Variants in SOX5 observed in about 807,000 individuals in gnomAD.
SOX5 encodes the protein SRY-box transcription factor 5.
A neutral mutation model predicts 92.0 loss-of-function variants in SOX5; 9 were observed. The observed-to-expected ratio is 0.10, with a 90% CI of 0.06 to 0.17. The LOEUF is 0.17. Among genes scored for constraint, SOX5 ranks in the 10% least tolerant of loss-of-function variants. SOX5 has a pLI of 1.00. For missense variants in SOX5, 642 were observed against 944.5 expected (o/e 0.68, Z 4.20); for synonymous variants, 344 against 336.3 (o/e 1.02, Z -0.25).
intron 1 of SOX5, among the ~76,000 whole-genome samples, chr12:24,382,002 G>C (rs1039146768): frequency 5.3e-5 from 8 of 152,186 alleles, no homozygotes; most frequent in Admixed American, 1.3e-4. Flanking sequence ...TATGCAACAA[G>C]TATTGTTCCA....
At chr12:24,397,737 T>C (rs1053116116) in intron 1 of SOX5, among the ~76,000 whole-genome samples, 2 of 151,778 alleles carry the variant, frequency 1.3e-5, no homozygotes, top group Admixed American at 6.6e-5. Context: ...AGAAAAAAAA[T>C]AGATTCATAT....
chr12:23,643,073 C>T lies in SOX5; in HGVS notation c.932-2176G>A, dbSNP rs1358542784. 2.5e-4 allele frequency among the ~76,000 whole-genome samples: 19 copies of T among 75,612 alleles called. 1 individual carries two copies. The highest frequency in any genetic ancestry group is 3.1e-4 in the African/African-American group (7 of 22,264). 49.6% of individuals were successfully genotyped at this position (75,612 alleles called of 152,430 possible). ...CTGCACTCCAGCCTGGGCGACAGAG[C>T]GAGACTCCGTCTCAAAAAAAAAAAA... is the stretch of plus-strand genomic sequence containing the variant. On this transcript the variant is annotated intron_variant, in intron 7 of 14. Transcript: ENST00000451604.
chr12:23,903,466 G>A (rs1285857974), intron 1 of SOX5, among the ~76,000 whole-genome samples: 2 of 152,126 alleles, frequency 1.3e-5, no homozygotes, highest in African/African-American at 2.4e-5. Context: ...CGCCTGTAGT[G>A]CGAGCAACTC....
intron 9 of SOX5, 110 bp downstream of exon 9, chr12:23,604,274 CCTT>C: frequency 9.0e-7 from 1 of 1,108,022 alleles, no homozygotes; most frequent in Admixed American, 2.0e-5. Context: ...ATTCTTACCT[CCTT>C]GTACACCCAG....
intron 4 of SOX5, among the ~76,000 whole-genome samples, chr12:23,966,166 C>T (rs1346352041): frequency 2.6e-5 from 3 of 117,178 alleles, no homozygotes; most frequent in African/African-American, 6.6e-5. Context: ...CCAGAATCCC[C>T]GCCTCCCCAG....
chr12:23,863,965 G>A (rs1595158690), intron 2 of SOX5, among the ~76,000 whole-genome samples: 2 of 150,726 alleles, frequency 1.3e-5, no homozygotes, highest in East Asian at 2.0e-4. Context: ...GCTTTACTGT[G>A]CTCCACAAAT....
intron 2 of SOX5, among the ~76,000 whole-genome samples, chr12:24,326,356 T>C (rs1240998511): frequency 1.3e-5 from 2 of 152,044 alleles, no homozygotes; most frequent in Non-Finnish European, 2.9e-5. Flanking sequence ...AGCAAATCCT[T>C]CCTAACTCCT....
At chr12:24,248,437 A>C (rs956301257) in intron 3 of SOX5, among the ~76,000 whole-genome samples, 1 of 152,178 alleles carries the variant, frequency 6.6e-6, no homozygotes, top group Non-Finnish European at 1.5e-5. Flanking sequence ...GACTAGCTCT[A>C]TTGCCCAAGG....
chr12:24,209,800 C>A (rs1001394115), intron 4 of SOX5, among the ~76,000 whole-genome samples: 16 of 151,622 alleles, frequency 1.1e-4, no homozygotes, highest in Non-Finnish European at 2.2e-4. Flanking sequence ...GGGCGGATCA[C>A]GAGGTCAGGA....
chr12:23,756,701 A>G (rs1324016881), intron 3 of SOX5, among the ~76,000 whole-genome samples: 1 of 151,954 alleles, frequency 6.6e-6, no homozygotes, highest in Non-Finnish European at 1.5e-5. Flanking sequence ...CTTATTATAT[A>G]GATCAAGGAC....
chr12:24,375,500 C>T (rs1489409176), intron 1 of SOX5, among the ~76,000 whole-genome samples: 3 of 151,270 alleles, frequency 2.0e-5, no homozygotes, highest in East Asian at 2.0e-4. Flanking sequence ...TTTGGGAGAC[C>T]GAGGCAGGTG....
intron 4 of SOX5, among the ~76,000 whole-genome samples, chr12:23,755,402 G>A (rs2094333700): frequency 6.6e-6 from 1 of 151,590 alleles, no homozygotes; most frequent in Non-Finnish European, 1.5e-5. Flanking sequence ...GCCTGTTAGA[G>A]GTATAGTGGG....
chr12:23,836,988 A>G (rs1401225807), intron 3 of SOX5, among the ~76,000 whole-genome samples: 1 of 151,108 alleles, frequency 6.6e-6, no homozygotes, highest in Non-Finnish European at 1.5e-5. Flanking sequence ...ACTCCTAAGT[A>G]TTTTATTCTT....
chr12:23,800,423 T>C (rs956195556), intron 3 of SOX5, among the ~76,000 whole-genome samples: 1 of 152,114 alleles, frequency 6.6e-6, no homozygotes, highest in Non-Finnish European at 1.5e-5. Flanking sequence ...CACTGTCAGA[T>C]AGATGAACCA....
intron 1 of SOX5, among the ~76,000 whole-genome samples, chr12:24,529,771 G>A (rs1455818955): frequency 6.6e-6 from 1 of 152,142 alleles, no homozygotes; most frequent in Non-Finnish European, 1.5e-5. Flanking sequence ...TGTAATCCCG[G>A]CACTTCAGGA....
intron 3 of SOX5, among the ~76,000 whole-genome samples, chr12:24,235,100 A>G (rs1199105541): frequency 4.6e-5 from 7 of 152,200 alleles, no homozygotes; most frequent in Non-Finnish European, 8.8e-5. Flanking sequence ...TCTCCTCTGT[A>G]CTGTCTCACA....
chr12:24,329,357 A>C (rs1291230727), intron 2 of SOX5, among the ~76,000 whole-genome samples: 2 of 152,160 alleles, frequency 1.3e-5, no homozygotes, highest in Non-Finnish European at 2.9e-5. Flanking sequence ...GCGGCAGGCG[A>C]GAGAGAAGAG....
intron 3 of SOX5, among the ~76,000 whole-genome samples, chr12:23,756,836 G>T (rs912548030): frequency 7.2e-5 from 11 of 151,864 alleles, no homozygotes; most frequent in African/African-American, 1.7e-4. Context: ...CTGGCCTAGA[G>T]ACCGTAATAT....
intron 6 of SOX5, among the ~76,000 whole-genome samples, chr12:23,691,329 G>A (rs941835227): frequency 3.3e-5 from 5 of 152,272 alleles, no homozygotes; most frequent in Non-Finnish European, 7.4e-5. Flanking sequence ...TTGATATGCA[G>A]AATATATGTA....
Sources: allele counts gnomAD v4.1 joint callset (sites outside exome capture counted in the v4.1 genomes callset), GRCh38; gene constraint gnomAD v4.1.1; transcripts MANE v1.5; gene names NCBI Gene and HGNC (gene_info 2026-07-23, HGNC 2026-07-21).